Variants in HDAC9 observed in about 807,000 individuals in gnomAD.
HDAC9 encodes the protein histone deacetylase 9, also known as MEF-2 interacting transcription repressor (MITR) protein.
Under a neutral mutation model 139.4 loss-of-function variants are expected in HDAC9, and 41 were observed. That is an observed-to-expected ratio of 0.29 (90% CI 0.23 to 0.38). The LOEUF is 0.38. HDAC9 is among the 10% of genes least tolerant of loss of function. The pLI is 1.00. For synonymous variants in HDAC9, 517 were observed against 476.2 expected, an observed-to-expected ratio of 1.09 and a Z score of -1.12; for missense variants, 1,147 against 1,297.0, an observed-to-expected ratio of 0.88 and a Z score of 1.78.
chr7:18,789,109 G>T (rs1792073824), intron 16 of HDAC9, among the ~76,000 whole-genome samples: 1 of 152,098 alleles, frequency 6.6e-6, no homozygotes, highest in African/African-American at 2.4e-5. Context: ...TTCAGTTCTT[G>T]ATATGTAAAG....
At chr7:18,875,652 C>CAAACAGGAAAGACA (rs1491410167) in intron 22 of HDAC9, among the ~76,000 whole-genome samples, 1 of 152,040 alleles carries the variant, frequency 6.6e-6, no homozygotes, top group Non-Finnish European at 1.5e-5. Flanking sequence ...AAACAGGAAA[C>CAAACAGGAAAGACA]TCTACAAAGA....
chr7:18,936,989 A>G (rs1027974612), intron 23 of HDAC9, among the ~76,000 whole-genome samples: 12 of 151,164 alleles, frequency 7.9e-5, no homozygotes, highest in African/African-American at 2.7e-4. Flanking sequence ...AAAATATGAG[A>G]GAGAAAACTT....
chr7:18,444,559 T>A (rs12671917), intron 1 of HDAC9, among the ~76,000 whole-genome samples: 5,330 of 152,208 alleles, frequency 0.035, 117 homozygotes, highest in African/African-American at 0.066. Context: ...TACATTCATT[T>A]TCTTAAGCAT....
At chr7:18,902,314 C>A (rs1452261297) in intron 22 of HDAC9, among the ~76,000 whole-genome samples, 1 of 152,110 alleles carries the variant, frequency 6.6e-6, no homozygotes, top group Non-Finnish European at 1.5e-5. Context: ...TGGATTAGGG[C>A]AAAGCCCTCT....
At chr7:18,909,920 G>A (rs1052496751) in intron 22 of HDAC9, among the ~76,000 whole-genome samples, 1 of 151,696 alleles carries the variant, frequency 6.6e-6, no homozygotes, top group Non-Finnish European at 1.5e-5. Context: ...TTTTTGTGGG[G>A]TTTTTTGCTC....
intron 1 of HDAC9, among the ~76,000 whole-genome samples, chr7:18,301,127 A>T (rs1798511705): frequency 6.6e-6 from 1 of 152,032 alleles, no homozygotes; most frequent in Admixed American, 6.5e-5. Context: ...TTGCAAATGT[A>T]TTTTGATGAC....
At chr7:18,539,976 G>A (rs188831874) in intron 2 of HDAC9, among the ~76,000 whole-genome samples, 1 of 151,908 alleles carries the variant, frequency 6.6e-6, no homozygotes, top group African/African-American at 2.4e-5. Context: ...GGAAAATGTT[G>A]GCCGGGCACG....
At chr7:18,477,304 C>T (rs1357949320) in intron 1 of HDAC9, among the ~76,000 whole-genome samples, 1 of 152,150 alleles carries the variant, frequency 6.6e-6, no homozygotes, top group Non-Finnish European at 1.5e-5. Context: ...GCCTTTGAGA[C>T]CTTACTTGGT....
chr7:18,668,385 C>T, intron 12 of HDAC9: 1 of 929,534 alleles, frequency 1.1e-6, no homozygotes. Context: ...TTTTTTCCAT[C>T]TCATAAATAT....
At chr7:18,358,818 A>C (rs1014636722) in intron 1 of HDAC9, among the ~76,000 whole-genome samples, 2 of 152,196 alleles carry the variant, frequency 1.3e-5, no homozygotes, top group African/African-American at 4.8e-5. Flanking sequence ...CCTCACTGAT[A>C]TTTCTGAACT....
chr7:18,855,574 G>C (rs1264659127), intron 21 of HDAC9, among the ~76,000 whole-genome samples: 3 of 151,810 alleles, frequency 2.0e-5, no homozygotes, highest in Non-Finnish European at 4.4e-5. Flanking sequence ...TGGCCGTGCT[G>C]AACTTGAGCA....
rs1383106096 is a variant in HDAC9 at position 18,835,456 on chromosome 7, T to C, written c.2467-11T>C. The C allele has an allele frequency of 1.0e-5, 16 of 1,607,126 alleles. No homozygotes were observed. The highest frequency in any genetic ancestry group is 1.1e-5 in the Non-Finnish European group (13 of 1,175,822). On this transcript the variant is annotated splice_polypyrimidine_tract_variant and intron_variant, in intron 19 of 25. Transcript: ENST00000686413. ...TGACTGTATTTGTCGTCTGTTTTCA[T>C]TTCCCTGTAGGATGTTCACCATGGA...
chr7:18,859,447 C>T (rs1585169640), intron 21 of HDAC9, among the ~76,000 whole-genome samples: 1 of 151,792 alleles, frequency 6.6e-6, no homozygotes, highest in Non-Finnish European at 1.5e-5. Context: ...CAAGTTCTTT[C>T]TTTCTTCTCA....
chr7:18,687,095 A>G (rs1179351031), intron 12 of HDAC9, among the ~76,000 whole-genome samples: 1 of 151,868 alleles, frequency 6.6e-6, no homozygotes, highest in Non-Finnish European at 1.5e-5. Context: ...TCCAAGTACC[A>G]TGTGCTTTAC....
chr7:18,278,089 C>T (rs546279130), intron 2 of HDAC9, among the ~76,000 whole-genome samples: 13 of 152,294 alleles, frequency 8.5e-5, no homozygotes, highest in Admixed American at 2.6e-4. Context: ...CTCTTCCTTT[C>T]GGAAGTATTT....
At chr7:18,618,391 A>T (rs985368849) in intron 6 of HDAC9, among the ~76,000 whole-genome samples, 2 of 152,112 alleles carry the variant, frequency 1.3e-5, no homozygotes, top group African/African-American at 4.8e-5. Flanking sequence ...TGAGAGAACC[A>T]ATAAGTACAA....
intron 2 of HDAC9, among the ~76,000 whole-genome samples, chr7:18,164,188 T>C (rs1787845772): frequency 6.6e-6 from 1 of 152,180 alleles, no homozygotes. Context: ...AGGAAAGTGA[T>C]AGTAAATGTG....
intron 22 of HDAC9, among the ~76,000 whole-genome samples, chr7:18,891,596 C>T (rs10278449): frequency 0.74 from 113,101 of 152,058 alleles, 43,834 homozygotes; most frequent in Non-Finnish European, 0.85. Context: ...AGGATGGTGG[C>T]AAGTCTGGCT....
chr7:18,859,848 A>ATGTGTGTGTGTGTGTGTG (rs1241299800), intron 21 of HDAC9, among the ~76,000 whole-genome samples: 14 of 122,298 alleles, frequency 1.1e-4, no homozygotes, highest in Non-Finnish European at 2.0e-4. Context: ...ATATATATAT[A>ATGTGTGTGTGTGTGTGTG]TATATATATA....
Sources: gnomAD v4.1 joint callset for allele counts (sites outside exome capture counted in the v4.1 genomes callset) on GRCh38, gnomAD v4.1.1 for gene constraint, MANE v1.5 for transcripts, NCBI Gene and HGNC (gene_info 2026-07-23, HGNC 2026-07-21) for gene names.